Variants in PAK5 observed in about 807,000 individuals in gnomAD.
The protein encoded by PAK5 is serine/threonine-protein kinase PAK 5.
In PAK5, 16 loss-of-function variants were observed where a neutral mutation model predicts 65.9. The observed-to-expected ratio is 0.24, with a 90% CI of 0.16 to 0.37. PAK5 has a LOEUF of 0.37. Ranked by LOEUF, PAK5 falls within the 10% of genes least tolerant of loss-of-function variation. PAK5 has a pLI of 1.00. For missense variants in PAK5, 785 were observed against 903.9 expected (o/e 0.87, Z 1.69); for synonymous variants, 371 against 354.9 (o/e 1.05, Z -0.51).
intron 2 of PAK5, among the ~76,000 whole-genome samples, chr20:9,702,038 A>G (rs1286653272): frequency 6.6e-6 from 1 of 152,158 alleles, no homozygotes; most frequent in African/African-American, 2.4e-5. Context: ...TGCTAGGCTC[A>G]GTAGTTAGTA....
intron 1 of PAK5, among the ~76,000 whole-genome samples, chr20:9,780,923 T>G (rs2048934488): frequency 1.3e-5 from 2 of 152,180 alleles, no homozygotes; most frequent in South Asian, 4.1e-4. Context: ...TTTACTTATC[T>G]AGGTATTATG....
chr20:9,736,581 G>T lies in PAK5; in HGVS notation c.-161-25146C>A, dbSNP rs1049830226. Among the ~76,000 whole-genome samples the T allele has an allele frequency of 3.3e-5, 5 of 152,148 alleles. 1 individual carries two copies. Among genetic ancestry groups the T allele is most frequent in the African/African-American group, 1.2e-4 (5 of 41,430 alleles). On this transcript the variant is annotated intron_variant, in intron 1 of 9. Coordinates refer to ENST00000353224, the MANE Select transcript of PAK5 (RefSeq NM_177990.4). The stretch of plus-strand genomic sequence containing the variant: ...CAGGCTGGCTTACACAGCAAAAATG[G>T]GGAAGTTGTTTAACCTTTAAAATGA...
At chr20:9,721,533 A>G (rs1319138832) in intron 1 of PAK5, among the ~76,000 whole-genome samples, 3 of 151,790 alleles carry the variant, frequency 2.0e-5, no homozygotes, top group Non-Finnish European at 2.9e-5. Context: ...CGCACCTGTA[A>G]TCTCAGCTAC....
chr20:9,654,093 C>T (rs2047235647), intron 2 of PAK5, among the ~76,000 whole-genome samples: 1 of 151,926 alleles, frequency 6.6e-6, no homozygotes, highest in African/African-American at 2.4e-5. Flanking sequence ...CTGGCCTCAG[C>T]CACCTGAGTG....
intron 2 of PAK5, among the ~76,000 whole-genome samples, chr20:9,688,310 C>T (rs945782025): frequency 6.6e-6 from 1 of 152,038 alleles, no homozygotes; most frequent in African/African-American, 2.4e-5. Context: ...TGCCTGCCTC[C>T]CCAACACCAC....
At chr20:9,621,405 T>TA (rs33927046) in intron 3 of PAK5, among the ~76,000 whole-genome samples, 27,700 of 117,706 alleles carry the variant, frequency 0.24, 3,541 homozygotes, top group Non-Finnish European at 0.3. Context: ...CAGGACTGAT[T>TA]AAAAAAAAAA....
intron 3 of PAK5, among the ~76,000 whole-genome samples, chr20:9,641,919 C>G (rs900034207): frequency 2.0e-5 from 3 of 152,192 alleles, no homozygotes; most frequent in African/African-American, 7.2e-5. Context: ...ACCCGGAACT[C>G]CAGCTGGCCC....
intron 1 of PAK5, among the ~76,000 whole-genome samples, chr20:9,775,086 T>C (rs2048873644): frequency 6.6e-6 from 1 of 152,178 alleles, no homozygotes; most frequent in Non-Finnish European, 1.5e-5. Flanking sequence ...AAAAGTCAGA[T>C]CAGTGGTTAC....
In PAK5 at chr20:9,599,401, C is replaced by T. The variant is rs549652187; in HGVS notation, c.205-18471G>A. 1.1e-4 allele frequency among the ~76,000 whole-genome samples: 16 copies of T among 152,332 alleles called. 1 individual carries two copies. Among genetic ancestry groups the T allele is most frequent in the Admixed American group, 3.9e-4 (6 of 15,304 alleles). On this transcript the variant is annotated intron_variant, in intron 3 of 9. Transcript: ENST00000353224. Reference sequence around the variant, plus strand: ...AGTGGAGTTGCTAGAGTTAAGTCCACGTTTAACCTTCTGAAGAATCAACAA... The same window carrying T: ...AGTGGAGTTGCTAGAGTTAAGTCCATGTTTAACCTTCTGAAGAATCAACAA...
chr20:9,578,499 T>C (rs543183880), intron 4 of PAK5, among the ~76,000 whole-genome samples: 1 of 152,258 alleles, frequency 6.6e-6, no homozygotes, highest in East Asian at 1.9e-4. Context: ...CAGCATCATC[T>C]GGGCAATGTT....
chr20:9,809,862 A>G (rs2049277726), intron 1 of PAK5, among the ~76,000 whole-genome samples: 2 of 152,078 alleles, frequency 1.3e-5, no homozygotes, highest in Admixed American at 1.3e-4. Context: ...TCAGAATTTT[A>G]CTCTGAGGAA....
intron 1 of PAK5, among the ~76,000 whole-genome samples, chr20:9,808,383 G>A (rs1426269821): frequency 2.0e-5 from 3 of 152,120 alleles, no homozygotes; most frequent in Admixed American, 6.6e-5. Context: ...CTTGGTAATT[G>A]CACTTCTAGG....
chr20:9,713,156 CA>C (rs535850032), intron 1 of PAK5, among the ~76,000 whole-genome samples: 1 of 152,066 alleles, frequency 6.6e-6, no homozygotes, highest in South Asian at 2.1e-4. Flanking sequence ...ATTAGAAACT[CA>C]AACAACTCAA....
chr20:9,670,703 T>C (rs987557558), intron 2 of PAK5, among the ~76,000 whole-genome samples: 63 of 152,276 alleles, frequency 4.1e-4, no homozygotes, highest in African/African-American at 1.5e-3. Flanking sequence ...GTTGCAAAAA[T>C]TTTCTCCCAT....
rs773181321 is a variant in PAK5, at chr20:9,542,592, T to C, written c.1998A>G (p.Leu666=). The C allele has an allele frequency of 1.1e-5, 17 of 1,614,130 alleles. No homozygotes were observed. Among genetic ancestry groups the C allele is most frequent in the Non-Finnish European group, 1.4e-5 (16 of 1,179,994 alleles). Residue 666 remains leucine (L), a synonymous_variant, in exon 9 of 10, where the codon CTA becomes CTG. Transcript: ENST00000353224. ...RDSLPPRVKD[L]HKVSSVLRGF... is the part of the protein sequence containing the mutation. ...AACAGCTGCTGTTTCTCACCTTGTG[T>C]AGGTCCTTCACTCTTGGAGGTAAAC... is the stretch of plus-strand genomic sequence containing the variant.
chr20:9,763,380 T>G (rs1424167382), intron 1 of PAK5, among the ~76,000 whole-genome samples: 1 of 152,110 alleles, frequency 6.6e-6, no homozygotes, highest in Non-Finnish European at 1.5e-5. Flanking sequence ...AGGTGTATAC[T>G]TATCCCCAAA....
intron 1 of PAK5, among the ~76,000 whole-genome samples, chr20:9,802,957 A>AT (rs2049189774): frequency 1.0e-5 from 1 of 99,266 alleles, no homozygotes; most frequent in Non-Finnish European, 2.1e-5. Context: ...CAAAAACACT[A>AT]TTTAGTACAA....
chr20:9,691,043 T>C (rs923353566), intron 2 of PAK5, among the ~76,000 whole-genome samples: 24 of 151,978 alleles, frequency 1.6e-4, no homozygotes, highest in Non-Finnish European at 2.9e-4. Flanking sequence ...GTGTGAGCCA[T>C]GGTACCCAGC....
chr20:9,571,783 G>A (rs1434158929), intron 4 of PAK5, among the ~76,000 whole-genome samples: 1 of 149,358 alleles, frequency 6.7e-6, no homozygotes, highest in African/African-American at 2.5e-5. Flanking sequence ...AGATCCCAAA[G>A]CTAAAAGAAG....
Sources: allele counts gnomAD v4.1 joint callset (sites outside exome capture counted in the v4.1 genomes callset), GRCh38; gene constraint gnomAD v4.1.1; transcripts MANE v1.5; gene names NCBI Gene and HGNC (gene_info 2026-07-23, HGNC 2026-07-21).